MGAT5B: variants seen among roughly 807,000 people sequenced by gnomAD.
The protein encoded by MGAT5B is N-acetylglucosaminyl-transferase Vb.
MGAT5B carries 54 observed loss-of-function variants against 95.1 expected under a neutral mutation model. The observed-to-expected ratio is 0.57, with a 90% CI of 0.46 to 0.71. The LOEUF (loss-of-function observed/expected upper bound fraction) is 0.71, where lower values mean the gene tolerates loss of function less well. Ranked by LOEUF, MGAT5B falls within the 30% of genes least tolerant of loss-of-function variation. MGAT5B has a pLI of 0.00. For missense variants in MGAT5B, 935 were observed against 1,088.6 expected (o/e 0.86, Z 1.99); for synonymous variants, 464 against 451.0 (o/e 1.03, Z -0.36).
At chr17:76,902,509 T>A in intron 3 of MGAT5B, 46 bp from the exon 4 acceptor site, 1 of 1,449,086 alleles carries the variant, frequency 6.9e-7, no homozygotes, top group Non-Finnish European at 9.4e-7. Flanking sequence ...CATGGGAAGG[T>A]CACCCCGGCC....
At position 76,904,335 on chromosome 17, in the gene MGAT5B, C is replaced by G. The variant is rs1252619874; in HGVS notation, c.603C>G (p.Leu201=). ...CCGAGTGCTCCTTCCTCATCTACCT[C>G]AGTGAGGTCGAGTGGTTCTGCCCCC... ...DGTECSFLIY[L]SEVEWFCPPL... Residue 201 remains leucine, a synonymous_variant, in exon 6 of 18, where the codon CTC becomes CTG. Transcript: ENST00000569840. 3 of 1,604,386 alleles carry G rather than the reference C, an allele frequency of 1.9e-6. No homozygotes were observed. In the South Asian group the frequency reaches 3.4e-5, roughly 18 times the overall value.
In MGAT5B at chr17:76,940,812, G is replaced by T; in HGVS notation, c.1812G>T (p.Glu604Asp). The T allele has an allele frequency of 6.2e-7, 1 of 1,614,136 alleles. No individual in the cohort carries two copies. The change falls in exon 15 of 18, where the codon GAG becomes GAT. Residue 604 changes from glutamate to aspartate, a missense_variant. Around this residue, in one of 4 missense-constraint regions of MGAT5B, gnomAD observed 440 missense variants for 523.6 expected, o/e 0.84. Transcript: ENST00000569840. The surrounding 1 kb of genome is among the most constrained non-coding windows in gnomAD (Gnocchi z 4.3). ...CAGTCGACTACAACAACTCAGAGGAGTTTGAAGCAGCCATCAAGGCCATTA... is the reference window on the plus strand; with the variant it reads ...CAGTCGACTACAACAACTCAGAGGATTTTGAAGCAGCCATCAAGGCCATTA... ...VWTVDYNNSE[E>D]FEAAIKAIMR...
rs199610173 is a variant in MGAT5B at position 76,940,518 on chromosome 17, G to C, written c.1701G>C (p.Glu567Asp). 25 of 1,613,450 alleles carry C rather than the reference G, an allele frequency of 1.5e-5. No individual in the cohort carries two copies. The highest frequency in any genetic ancestry group is 1.9e-5 in the Non-Finnish European group (23 of 1,179,624). ...CGCCCCACAGCTCCCTCAACCACGA[G>C]TTCTTCCGAGGCAAGCCCACCTCCA... is the stretch of plus-strand genomic sequence containing the variant. ...FSPPHSSLNHEFFRGKPTSRE... is the reference protein window; with the variant it reads ...FSPPHSSLNHDFFRGKPTSRE... The change falls in exon 14 of 18, where the codon GAG (glutamate) becomes GAC (aspartate). Residue 567 changes from glutamate (E) to aspartate (D), a missense_variant. Physicochemically the swap from Glu to Asp is conservative, Grantham distance 45. Coordinates refer to ENST00000569840, the MANE Select transcript of MGAT5B (RefSeq NM_001199172.2). The surrounding 1 kb of genome is among the most constrained non-coding windows in gnomAD (Gnocchi z 4.3).
Position 76,869,981 on chromosome 17 carries a change from G to T in MGAT5B, c.68+884G>T, listed in dbSNP as rs1966944064. 6.6e-6 allele frequency among the ~76,000 whole-genome samples: 1 copy of T among 152,194 alleles called. No homozygotes were observed. The highest frequency in any genetic ancestry group is 2.4e-5 in the African/African-American group (1 of 41,466). ...CGCTGCCCAGTGGACGCCCGGCGGG[G>T]CCCGAGTGTCACCCCGTGGGTAGCT... On this transcript the variant is annotated intron_variant, in intron 1 of 17. Coordinates refer to ENST00000569840, the MANE Select transcript of MGAT5B (RefSeq NM_001199172.2). The surrounding 1 kb of genome is among the most constrained non-coding windows in gnomAD (Gnocchi z 7.0).
intron 3 of MGAT5B, among the ~76,000 whole-genome samples, chr17:76,891,649 G>A (rs1327629094): frequency 6.6e-6 from 1 of 152,246 alleles, no homozygotes; most frequent in Non-Finnish European, 1.5e-5. Context: ...CAGAGTGGTG[G>A]GATTACAGGC....
At chr17:76,919,319 G>C (rs1356625843) in intron 8 of MGAT5B, among the ~76,000 whole-genome samples, 1 of 152,224 alleles carries the variant, frequency 6.6e-6, no homozygotes, top group East Asian at 1.9e-4. Flanking sequence ...GGGAGTCCCA[G>C]GCAGGTGGGG....
intron 16 of MGAT5B, among the ~76,000 whole-genome samples, chr17:76,947,273 C>A (rs1970060359): frequency 6.6e-6 from 1 of 152,196 alleles, no homozygotes; most frequent in South Asian, 2.1e-4. Flanking sequence ...TCTGGTTCTC[C>A]CCTGTCCCTT....
chr17:76,869,849 G>T lies in MGAT5B; in HGVS notation c.68+752G>T, dbSNP rs1966934213. ...GGCCAGGCAGGGCTGGGGCCGCGCG[G>T]GACTCACTGGACCCAGCCAGGGGCC... On this transcript the variant is annotated intron_variant, in intron 1 of 17. Coordinates refer to ENST00000569840, the MANE Select transcript of MGAT5B (RefSeq NM_001199172.2). This position sits in a 1 kb window ranked among gnomAD's most constrained non-coding sequence, Gnocchi z 7.0. Among the ~76,000 whole-genome samples, 1 of 152,076 alleles carries T rather than the reference G, an allele frequency of 6.6e-6. No homozygotes were observed. Among genetic ancestry groups the T allele is most frequent in the Non-Finnish European group, 1.5e-5 (1 of 67,978 alleles).
chr17:76,948,624 G>A lies in MGAT5B; in HGVS notation c.2181-16G>A, dbSNP rs761279271. ...GTGACCAACGCTGAGTGACGGTGCT[G>A]TGTGGTCCCTGCCAGGCTGCAGGTG... On this transcript the variant is annotated splice_polypyrimidine_tract_variant and intron_variant, in intron 17 of 17. Transcript: ENST00000569840. The A allele has an allele frequency of 6.2e-7, 1 of 1,605,270 alleles. No individual in the cohort carries two copies. Among genetic ancestry groups the A allele is most frequent in the Non-Finnish European group, 8.5e-7 (1 of 1,176,610 alleles).
At position 76,870,136 on chromosome 17, in the gene MGAT5B, C is replaced by T. The variant is rs1245416893; in HGVS notation, c.68+1039C>T. On this transcript the variant is annotated intron_variant, in intron 1 of 17. Transcript: ENST00000569840. The surrounding 1 kb of genome is among the most constrained non-coding windows in gnomAD (Gnocchi z 5.0). ...GCTTGCAGGGGCCCTGAACTCTTGC[C>T]CTCCAGGTCTCGGCCCAGCCCCACT... Among the ~76,000 whole-genome samples the T allele has an allele frequency of 1.3e-5, 2 of 152,198 alleles. No homozygotes were observed. The highest frequency in any genetic ancestry group is 2.9e-5 in the Non-Finnish European group (2 of 68,016).
intron 1 of MGAT5B, among the ~76,000 whole-genome samples, chr17:76,871,274 A>G (rs566650567): frequency 1.2e-3 from 189 of 152,174 alleles, no homozygotes; most frequent in African/African-American, 4.2e-3. Context: ...GAGCCACCTG[A>G]CTTCCTCTGA....
chr17:76,907,280 A>G (rs764044112), intron 8 of MGAT5B, among the ~76,000 whole-genome samples: 4 of 151,838 alleles, frequency 2.6e-5, no homozygotes, highest in African/African-American at 4.8e-5. Flanking sequence ...TGAGCTCCCA[A>G]CCTCTGGTGA....
chr17:76,909,604 C>T (rs1296603242), intron 8 of MGAT5B, among the ~76,000 whole-genome samples: 4 of 152,172 alleles, frequency 2.6e-5, no homozygotes, highest in African/African-American at 9.7e-5. Flanking sequence ...GTCACTAGGG[C>T]CCAGCAAGCA....
intron 8 of MGAT5B, among the ~76,000 whole-genome samples, chr17:76,924,647 G>A (rs139965201): frequency 1.3e-5 from 2 of 152,150 alleles, no homozygotes; most frequent in African/African-American, 2.4e-5. Context: ...TTAGAGAAAG[G>A]CTCCCTCTCT....
chr17:76,925,068 G>T lies in MGAT5B; in HGVS notation c.1128G>T (p.Arg376=). 3 of 1,611,408 alleles carry T rather than the reference G, an allele frequency of 1.9e-6. No homozygotes were observed. Among genetic ancestry groups the T allele is most frequent in the Non-Finnish European group, 2.5e-6 (3 of 1,179,306 alleles). ...ACCACGGCCTGCAGCAGATGAAGCGGCACATGGGACTCTCCTTCAAGAAGT... is the reference window on the plus strand; with the variant it reads ...ACCACGGCCTGCAGCAGATGAAGCGTCACATGGGACTCTCCTTCAAGAAGT... The part of the protein sequence containing the change: ...TDYHGLQQMK[R]HMGLSFKKYR... The change falls in exon 9 of 18, where the codon CGG becomes CGT. Residue 376 remains arginine (R), a synonymous_variant. Transcript: ENST00000569840.
At chr17:76,920,986 GC>G (rs1969107963) in intron 8 of MGAT5B, among the ~76,000 whole-genome samples, 2 of 152,214 alleles carry the variant, frequency 1.3e-5, no homozygotes, top group Admixed American at 6.5e-5. Flanking sequence ...ACCTGACCCT[GC>G]CCTCCTCAAA....
rs369462670 is a variant in MGAT5B, at chr17:76,899,158, G to C, written c.330-3397G>C. On this transcript the variant is annotated intron_variant, in intron 3 of 17. Transcript: ENST00000569840. ...CCAAAGTCTCTAGTTGACCTGGCAGGACCCCTGGCTTGGCTTGTCTTGACA... is the reference window on the plus strand; with the variant it reads ...CCAAAGTCTCTAGTTGACCTGGCAGCACCCCTGGCTTGGCTTGTCTTGACA... Among the ~76,000 whole-genome samples, 11 of 152,350 alleles carry C rather than the reference G, an allele frequency of 7.2e-5. No homozygotes were observed. In the East Asian group the frequency reaches 1.5e-3, roughly 21 times the overall value.
Position 76,929,979 on chromosome 17 carries a change from AGGGCT to A in MGAT5B, c.1292-2662_1292-2658del, listed in dbSNP as rs541574582. ...TCAGAGAGTGGTGGGAACAGGGGAG[AGGGCT>A]GGGTGGCAGTCTTGGAGAAGCCAGA... is the stretch of plus-strand genomic sequence containing the variant. On this transcript the variant is annotated intron_variant, in intron 10 of 17. Coordinates refer to ENST00000569840, the MANE Select transcript of MGAT5B (RefSeq NM_001199172.2). 3.4e-3 allele frequency among the ~76,000 whole-genome samples: 519 copies of A among 152,128 alleles called. 2 individuals are homozygous for A. Among genetic ancestry groups the A allele is most frequent in the Non-Finnish European group, 4.7e-3 (321 of 68,000 alleles).
chr17:76,877,877 T>A (rs1447180975), intron 2 of MGAT5B, among the ~76,000 whole-genome samples: 1 of 151,556 alleles, frequency 6.6e-6, no homozygotes, highest in Admixed American at 6.6e-5. Flanking sequence ...ACGAAGAGCG[T>A]CTGGGGAGGA....
Sources: allele counts gnomAD v4.1 joint callset (sites outside exome capture counted in the v4.1 genomes callset), GRCh38; gene constraint gnomAD v4.1.1; regional missense constraint gnomAD v4.1.1; non-coding constraint Gnocchi (gnomAD v3.1); transcripts MANE v1.5; gene names NCBI Gene and HGNC (gene_info 2026-07-23, HGNC 2026-07-21).